Variants in BTD observed in about 807,000 individuals in gnomAD.
The protein encoded by BTD is biotinidase.
A neutral mutation model predicts 17.7 loss-of-function variants in BTD; 13 were observed. The observed-to-expected ratio is 0.74, with a 90% CI of 0.48 to 1.17. BTD has a LOEUF of 1.17. Ranked by LOEUF, BTD falls within the 50% of genes most tolerant of loss-of-function variation. BTD has a pLI of 0.00. For missense variants in BTD, 674 were observed against 650.4 expected, an observed-to-expected ratio of 1.04 and a Z score of -0.39; for synonymous variants, 240 against 245.2, an observed-to-expected ratio of 0.98 and a Z score of 0.20.
At chr3:15,662,916 T>A (rs181622857) in intron 3 of BTD, among the ~76,000 whole-genome samples, 1 of 151,578 alleles carries the variant, frequency 6.6e-6, no homozygotes, top group Non-Finnish European at 1.5e-5. Flanking sequence ...ATTTTCCTAG[T>A]TTACTGAGAA....
At chr3:15,640,853 T>C (rs199917833) in intron 2 of BTD, among the ~76,000 whole-genome samples, 1 of 107,598 alleles carries the variant, frequency 9.3e-6, no homozygotes, top group African/African-American at 6.0e-5. Context: ...GATTGTTTTT[T>C]CCCGTTTTCC....
chr3:15,605,141 T>A (rs1356273134), intron 1 of BTD, among the ~76,000 whole-genome samples: 2 of 152,230 alleles, frequency 1.3e-5, no homozygotes, highest in Non-Finnish European at 2.9e-5. Context: ...CTTTTCATAC[T>A]GCTATGAAGA....
chr3:15,615,617 T>A (rs996413078), intron 1 of BTD, among the ~76,000 whole-genome samples: 24 of 152,210 alleles, frequency 1.6e-4, no homozygotes, highest in Middle Eastern at 3.2e-3. Flanking sequence ...AAAAGAGAAG[T>A]TTTATGCTCA....
downstream of BTD, among the ~76,000 whole-genome samples, chr3:15,712,808 A>T (rs1356145632): frequency 1.3e-5 from 2 of 152,256 alleles, 1 homozygote. Flanking sequence ...ATGTGAAAGA[A>T]GGCCTAAATT....
downstream of BTD, among the ~76,000 whole-genome samples, chr3:15,716,296 T>C (rs2073036681): frequency 6.6e-6 from 1 of 151,498 alleles, no homozygotes. Context: ...TTTTTTTTTT[T>C]TTTTCCCTTA....
In BTD at chr3:15,644,659, A is replaced by T; in HGVS notation, c.743A>T (p.Tyr248Phe). 1 of 1,614,136 alleles carries T rather than the reference A, an allele frequency of 6.2e-7. No homozygotes were observed. Among genetic ancestry groups the T allele is most frequent in the Non-Finnish European group, 8.5e-7 (1 of 1,180,026 alleles). Reference protein sequence around the residue: ...LRDYKVKHVVYPTAWMNQLPL... With the variant: ...LRDYKVKHVVFPTAWMNQLPL... ...GACTACAAGGTGAAGCATGTTGTGT[A>T]CCCAACTGCCTGGATGAACCAGCTC... The change falls in exon 4 of 4, where the codon TAC becomes TTC. Residue 248 changes from tyrosine to phenylalanine, a missense_variant. Tyr to Phe is a conservative substitution (Grantham distance 22). Transcript: ENST00000643237.
At position 15,602,007 on chromosome 3, in the gene BTD, G is replaced by A. The variant is rs576537090; in HGVS notation, c.-17+113G>A. ...GAGGGCTGCGCAAAGGCTGCCGGGA[G>A]CTGGGAAGCCCGGCGCGCGTCGTTT... On this transcript the variant is annotated intron_variant, in intron 1 of 3. Coordinates refer to ENST00000643237, the MANE Select transcript of BTD (RefSeq NM_001370658.1). 27 of 1,530,226 alleles carry A rather than the reference G, an allele frequency of 1.8e-5. No homozygotes were observed. In the South Asian group the frequency reaches 2.8e-4, roughly 16 times the overall value. 94.8% of individuals were successfully genotyped at this position (1,530,226 alleles called of 1,614,324 possible).
At chr3:15,602,432 C>A in intron 1 of BTD, 1 of 534,542 alleles carries the variant, frequency 1.9e-6, no homozygotes, top group Non-Finnish European at 2.4e-6. Flanking sequence ...CTACCTACAA[C>A]CAGCCCTGCA....
At chr3:15,685,161 A>C in intron 3 of BTD, 1 of 1,561,768 alleles carries the variant, frequency 6.4e-7, no homozygotes, top group Admixed American at 1.7e-5. Context: ...TTTGCCTTAT[A>C]AATATGTCAT....
intron 1 of BTD, among the ~76,000 whole-genome samples, chr3:15,619,036 G>A (rs952498917): frequency 3.9e-5 from 6 of 152,096 alleles, no homozygotes; most frequent in African/African-American, 1.4e-4. Context: ...CCCAGTTTGT[G>A]TATCTTTTCT....
intron 1 of BTD, among the ~76,000 whole-genome samples, chr3:15,626,794 A>G (rs1559587301): frequency 2.1e-5 from 3 of 144,314 alleles, no homozygotes; most frequent in African/African-American, 7.8e-5. Context: ...AAAAAAAAAA[A>G]AGAAAAGAAA....
At chr3:15,607,840 T>C (rs893462233) in intron 1 of BTD, among the ~76,000 whole-genome samples, 1 of 152,192 alleles carries the variant, frequency 6.6e-6, no homozygotes, top group African/African-American at 2.4e-5. Context: ...GCAAAAACTG[T>C]ACAGCCGGAA....
chr3:15,669,333 T>C (rs375146848), intron 3 of BTD: 9 of 152,204 alleles, frequency 5.9e-5, no homozygotes, highest in African/African-American at 2.2e-4. Context: ...CATAGAGAGG[T>C]TGAAGACTCC....
At chr3:15,673,134 C>G (rs1194675959) in intron 3 of BTD, among the ~76,000 whole-genome samples, 1 of 152,202 alleles carries the variant, frequency 6.6e-6, no homozygotes, top group African/African-American at 2.4e-5. Context: ...CCCACTTTCT[C>G]CTTATCCTTT....
intron 3 of BTD, 84 bp from the exon 4 acceptor site, chr3:15,644,232 C>G: frequency 7.1e-7 from 1 of 1,402,940 alleles, no homozygotes; most frequent in South Asian, 1.2e-5. Context: ...AATCTCCTGA[C>G]CTCATGATCC....
Position 15,644,923 on chromosome 3 carries a change from C to T in BTD, c.1007C>T (p.Pro336Leu). The part of the protein sequence containing the change: ...GAENATGETD[P>L]SHSKFLKILS... ...GAGAATGCAACAGGTGAAACGGACC[C>T]ATCCCATAGTAAGTTTTTAAAAATT... is the stretch of plus-strand genomic sequence containing the variant. Residue 336 changes from proline to leucine, a missense_variant, in exon 4 of 4, where the codon CCA (proline) becomes CTA (leucine). Pro to Leu is a moderately conservative substitution (Grantham distance 98). Transcript: ENST00000643237. The T allele has an allele frequency of 6.2e-7, 1 of 1,614,102 alleles. No homozygotes were observed. Among genetic ancestry groups the T allele is most frequent in the Non-Finnish European group, 8.5e-7 (1 of 1,180,028 alleles).
chr3:15,636,133 T>C (rs970588715), intron 2 of BTD, among the ~76,000 whole-genome samples: 5 of 152,198 alleles, frequency 3.3e-5, no homozygotes, highest in African/African-American at 1.2e-4. Context: ...TGGGATTGTT[T>C]TAAGGCTCCC....
chr3:15,603,764 G>A (rs756658549), intron 1 of BTD, among the ~76,000 whole-genome samples: 7 of 152,216 alleles, frequency 4.6e-5, no homozygotes, highest in Admixed American at 1.3e-4. Context: ...CGTTCCAAAT[G>A]GGAGAAATTG....
At chr3:15,625,808 G>A (rs1444312216) in intron 1 of BTD, among the ~76,000 whole-genome samples, 1 of 152,178 alleles carries the variant, frequency 6.6e-6, no homozygotes, top group African/African-American at 2.4e-5. Flanking sequence ...GCCTGCCTCG[G>A]CCTCCCAAAG....
Sources: allele counts gnomAD v4.1 joint callset (sites outside exome capture counted in the v4.1 genomes callset), GRCh38; gene constraint gnomAD v4.1.1; transcripts MANE v1.5; gene names NCBI Gene and HGNC (gene_info 2026-07-23, HGNC 2026-07-21).